FREM2: variants seen among roughly 807,000 people sequenced by gnomAD.
FREM2 encodes FRAS1 related extracellular matrix 2.
A neutral mutation model predicts 219.9 loss-of-function variants in FREM2; 119 were observed. The ratio of observed to expected loss-of-function variants is 0.54; its 90% CI spans 0.47 to 0.63. The LOEUF (loss-of-function observed/expected upper bound fraction) is 0.63, where lower values mean the gene tolerates loss of function less well. Ranked by LOEUF, FREM2 falls within the 30% of genes least tolerant of loss-of-function variation. FREM2 has a pLI of 0.00. For missense variants in FREM2, 4,030 were observed against 3,993.6 expected (o/e 1.01, Z -0.25); for synonymous variants, 1,562 against 1,522.8 (o/e 1.03, Z -0.60).
chr13:38,794,224 G>C (rs1282521475), intron 6 of FREM2, among the ~76,000 whole-genome samples: 3 of 152,152 alleles, frequency 2.0e-5, no homozygotes, highest in African/African-American at 7.2e-5. Context: ...GAAAGGAATA[G>C]ATTTCATGAA....
intron 6 of FREM2, among the ~76,000 whole-genome samples, chr13:38,845,052 T>A (rs191831305): frequency 6.6e-6 from 1 of 151,734 alleles, no homozygotes; most frequent in Non-Finnish European, 1.5e-5. Flanking sequence ...AGGCTAACTA[T>A]GTTATAGGGA....
Position 38,687,757 on chromosome 13 carries a change from A to G in FREM2, c.413A>G (p.Tyr138Cys). The G allele has an allele frequency of 4.5e-6, 7 of 1,543,324 alleles. No homozygotes were observed. The highest frequency in any genetic ancestry group is 6.1e-6 in the Non-Finnish European group (7 of 1,142,206). ...GACTTTGGCCCTGGCGAGGTGCGCTACTCTCACCTGGGCGCGCGCAGCCCG... is the reference window on the plus strand; with the variant it reads ...GACTTTGGCCCTGGCGAGGTGCGCTGCTCTCACCTGGGCGCGCGCAGCCCG... ...PCDFGPGEVRYSHLGARSPSR... is the reference protein window; with the variant it reads ...PCDFGPGEVRCSHLGARSPSR... The change falls in exon 1 of 24, where the codon TAC becomes TGC. Residue 138 changes from tyrosine (Y) to cysteine (C), a missense_variant. Physicochemically the swap from Tyr to Cys is radical, Grantham distance 194. Around this residue, in one of 2 missense-constraint regions of FREM2, gnomAD observed 3,102 missense variants for 2,950.7 expected, o/e 1.05. Transcript: ENST00000280481.
chr13:38,781,340 AC>A (rs1294476225), intron 4 of FREM2, among the ~76,000 whole-genome samples: 11 of 151,932 alleles, frequency 7.2e-5, no homozygotes, highest in Non-Finnish European at 1.3e-4. Flanking sequence ...TCTACCAGAG[AC>A]TTTTTTTTTC....
intron 2 of FREM2, among the ~76,000 whole-genome samples, chr13:38,707,087 A>T (rs766711918): frequency 6.6e-6 from 1 of 152,228 alleles, no homozygotes; most frequent in Admixed American, 6.5e-5. Flanking sequence ...TACTAAGATT[A>T]TTAATTTATT....
chr13:38,733,155 C>T (rs1871836408), intron 2 of FREM2, among the ~76,000 whole-genome samples: 1 of 152,020 alleles, frequency 6.6e-6, no homozygotes, highest in Admixed American at 6.6e-5. Context: ...ACTGTGGCAT[C>T]TAGAGAGGTG....
At chr13:38,838,841 T>G (rs188644806) in intron 6 of FREM2, among the ~76,000 whole-genome samples, 2 of 152,344 alleles carry the variant, frequency 1.3e-5, no homozygotes, top group Non-Finnish European at 2.9e-5. Context: ...AACTGGTTAT[T>G]CTAGTTAGCA....
At position 38,691,818 on chromosome 13, in the gene FREM2, A is replaced by G. The variant is rs2138071590; in HGVS notation, c.4474A>G (p.Ile1492Val). 4 of 1,614,172 alleles carry G rather than the reference A, an allele frequency of 2.5e-6. No homozygotes were observed. The highest frequency in any genetic ancestry group is 3.4e-6 in the Non-Finnish European group (4 of 1,180,042). Reference sequence around the variant, plus strand: ...TCAGCTGCAACTGGCTGGAAACAAAATCTACTACATCCACACAGCTGATGA... The same window carrying G: ...TCAGCTGCAACTGGCTGGAAACAAAGTCTACTACATCCACACAGCTGATGA... ...FTQLQLAGNKIYYIHTADDEV... is the reference protein window; with the variant it reads ...FTQLQLAGNKVYYIHTADDEV... The change falls in exon 1 of 24, where the codon ATC becomes GTC. Residue 1492 changes from isoleucine to valine, a missense_variant. Coordinates refer to ENST00000280481, the MANE Select transcript of FREM2 (RefSeq NM_207361.6).
At chr13:38,736,825 A>G (rs969197155) in intron 2 of FREM2, among the ~76,000 whole-genome samples, 17 of 152,188 alleles carry the variant, frequency 1.1e-4, no homozygotes, top group African/African-American at 3.6e-4. Context: ...GTTAACTTTT[A>G]GTGAAAGATG....
chr13:38,856,367 C>A, intron 12 of FREM2, 111 bp downstream of exon 12: 2 of 968,584 alleles, frequency 2.1e-6, no homozygotes, highest in Non-Finnish European at 1.6e-6. Flanking sequence ...ACAAGCCTTA[C>A]GTGAAAGAGA....
In FREM2 at chr13:38,881,557, T is replaced by A. The variant is rs886358857; in HGVS notation, c.*770T>A. ...TAGAGCTCTTGCATGGTAATATACCTTATTGGTGCTCAACATTTGTGGGAA... is the reference window on the plus strand; with the variant it reads ...TAGAGCTCTTGCATGGTAATATACCATATTGGTGCTCAACATTTGTGGGAA... On this transcript the variant is annotated 3_prime_UTR_variant, in exon 24 of 24. Transcript: ENST00000280481. 6.5e-6 allele frequency: 1 copy of A among 152,820 alleles called. No individual in the cohort carries two copies. The highest frequency in any genetic ancestry group is 2.1e-4 in the South Asian group (1 of 4,824). 9.5% of individuals were successfully genotyped at this position (152,820 alleles called of 1,614,324 possible). A position where few individuals can be genotyped will look rare whatever the true frequency, so the allele number is the denominator to read the frequency against.
chr13:38,749,286 G>A (rs1872618474), intron 2 of FREM2, among the ~76,000 whole-genome samples: 2 of 152,102 alleles, frequency 1.3e-5, no homozygotes, highest in Admixed American at 6.6e-5. Context: ...AAAATTACTG[G>A]CTCAACTACT....
In FREM2 at chr13:38,850,096, A is replaced by AG; in HGVS notation, c.6439dup (p.Val2147GlyfsTer6). 1 of 1,614,052 alleles carries AG rather than the reference A, an allele frequency of 6.2e-7. No homozygotes were observed. Among genetic ancestry groups the AG allele is most frequent in the Non-Finnish European group, 8.5e-7 (1 of 1,179,910 alleles). On this transcript the variant is annotated frameshift_variant, in exon 9 of 24. Transcript: ENST00000280481. LOFTEE classifies it high-confidence loss of function. Reference sequence around the variant, plus strand: ...CTGGCAGCGAAAGTGATGGGCAGATAGTTACAATGATCCATAGGACTGGGG... The same window carrying AG: ...CTGGCAGCGAAAGTGATGGGCAGATAGGTTACAATGATCCATAGGACTGGGG...
intron 2 of FREM2, among the ~76,000 whole-genome samples, chr13:38,707,586 C>T (rs1870591403): frequency 1.3e-5 from 2 of 152,130 alleles, no homozygotes; most frequent in African/African-American, 4.8e-5. Flanking sequence ...ATCCTTTCAT[C>T]TTTGTAATGT....
intron 6 of FREM2, among the ~76,000 whole-genome samples, chr13:38,833,649 C>T (rs943190050): frequency 1.3e-5 from 2 of 152,072 alleles, no homozygotes; most frequent in African/African-American, 4.8e-5. Context: ...TTATTGATTT[C>T]TTTGCTCAAC....
chr13:38,707,966 T>A (rs993208271), intron 2 of FREM2, among the ~76,000 whole-genome samples: 1 of 152,234 alleles, frequency 6.6e-6, no homozygotes. Context: ...AGGTGCTAAA[T>A]CCAGGCAGCT....
Position 38,880,342 on chromosome 13 carries a change from A to T in FREM2, c.9065A>T (p.Asn3022Ile). 1 of 1,613,924 alleles carries T rather than the reference A, an allele frequency of 6.2e-7. No individual in the cohort carries two copies. The highest frequency in any genetic ancestry group is 8.5e-7 in the Non-Finnish European group (1 of 1,179,866). Residue 3022 changes from asparagine to isoleucine, a missense_variant, in exon 24 of 24, where the codon AAT (asparagine) becomes ATT (isoleucine). Transcript: ENST00000280481. Reference sequence around the variant, plus strand: ...ATCTATACAGTGAGATCGAAAGACAATGCCAATCGAGGTATTGGCAAAAGA... The same window carrying T: ...ATCTATACAGTGAGATCGAAAGACATTGCCAATCGAGGTATTGGCAAAAGA... ...HTIYTVRSKD[N>I]ANRGIGKRSV... is the part of the protein sequence containing the mutation.
At chr13:38,702,027 A>C (rs891429274) in intron 2 of FREM2, among the ~76,000 whole-genome samples, 5 of 152,188 alleles carry the variant, frequency 3.3e-5, no homozygotes, top group Non-Finnish European at 7.4e-5. Flanking sequence ...TTTGACATAA[A>C]GATCAATTAA....
chr13:38,751,734 T>C (rs576111518), intron 2 of FREM2, among the ~76,000 whole-genome samples: 3 of 152,332 alleles, frequency 2.0e-5, no homozygotes, highest in African/African-American at 7.2e-5. Flanking sequence ...TTATACTTCC[T>C]AACATATGTG....
At chr13:38,782,940 C>G in intron 4 of FREM2, 130 bp from the exon 5 acceptor site, 1 of 1,115,522 alleles carries the variant, frequency 9.0e-7, no homozygotes, top group East Asian at 2.4e-5. Context: ...CCTTTTCCTC[C>G]CACTATGTTA....
Sources: gnomAD v4.1 joint callset for allele counts (sites outside exome capture counted in the v4.1 genomes callset) on GRCh38, gnomAD v4.1.1 for gene constraint, gnomAD v4.1.1 regional missense constraint, MANE v1.5 for transcripts, NCBI Gene and HGNC (gene_info 2026-07-23, HGNC 2026-07-21) for gene names.